The following MROH9 variants were observed in gnomAD, a reference collection of about 807,000 sequenced individuals.
MROH9 encodes maestro heat like repeat family member 9, also known as maestro heat-like repeat-containing protein family member 9.
MROH9 carries 92 observed loss-of-function variants against 98.2 expected under a neutral mutation model. That is an observed-to-expected ratio of 0.94 (90% CI 0.79 to 1.11). The LOEUF (loss-of-function observed/expected upper bound fraction) is 1.11. Among genes scored for constraint, MROH9 ranks in the 50% most tolerant of loss-of-function variants. The pLI is 0.00. For missense variants in MROH9, 1,057 were observed against 1,014.8 expected (o/e 1.04, Z -0.57); for synonymous variants, 397 against 368.9 (o/e 1.08, Z -0.87).
At chr1:170,989,780 G>T in intron 10 of MROH9, 75 bp from the exon 11 acceptor site, 1 of 1,353,606 alleles carries the variant, frequency 7.4e-7, no homozygotes. Flanking sequence ...GAATTCTTAT[G>T]TCCAAGAAAT....
chr1:171,018,250 C>A (rs1175121237), intron 17 of MROH9, among the ~76,000 whole-genome samples: 3 of 151,902 alleles, frequency 2.0e-5, no homozygotes, highest in African/African-American at 7.3e-5. Context: ...GGGAGCAAAT[C>A]AGATGAATAG....
rs758118589 is a variant in MROH9, at chr1:170,971,777, C to T, written c.510C>T (p.Leu170=). The T allele has an allele frequency of 1.6e-5, 26 of 1,614,044 alleles. No homozygotes were observed. Among genetic ancestry groups the T allele is most frequent in the South Asian group, 7.7e-5 (7 of 91,080 alleles). The change falls in exon 8 of 22, where the codon CTC becomes CTT. Residue 170 remains leucine, a synonymous_variant. Transcript: ENST00000367759. ...GTGTTGATGCTCCATGTTTGGGTCTCCTGGCAGCAGAGCTGTCTCTTTTGT... is the reference window on the plus strand; with the variant it reads ...GTGTTGATGCTCCATGTTTGGGTCTTCTGGCAGCAGAGCTGTCTCTTTTGT... ...YISVDAPCLG[L]LAAELSLLCS... is the part of the protein sequence containing the mutation.
intron 3 of MROH9, among the ~76,000 whole-genome samples, chr1:170,957,100 T>C (rs190641264): frequency 3.4e-4 from 52 of 152,030 alleles, no homozygotes; most frequent in African/African-American, 1.2e-3. Flanking sequence ...TTTACAAATA[T>C]TTTATCCCAT....
rs765483093 is a variant in MROH9, at chr1:170,995,551, T to C, written c.1337+20T>C. ...GGCTTTGTGAGTTAAAACTGGTTATTTCAGATTAAATAAGAGATAAGCGTC... is the reference window on the plus strand; with the variant it reads ...GGCTTTGTGAGTTAAAACTGGTTATCTCAGATTAAATAAGAGATAAGCGTC... On this transcript the variant is annotated intron_variant, in intron 13 of 21. Transcript: ENST00000367759. 88 of 1,611,760 alleles carry C rather than the reference T, an allele frequency of 5.5e-5. No homozygotes were observed. The highest frequency in any genetic ancestry group is 7.3e-5 in the Non-Finnish European group (86 of 1,178,672).
rs1165867991 is a variant in MROH9 at position 171,064,274 on chromosome 1, C to T, written c.2520C>T (p.Asn840=). Residue 840 remains asparagine, a synonymous_variant, in exon 22 of 22, where the codon AAC becomes AAT. Transcript: ENST00000367759. The stretch of plus-strand genomic sequence containing the variant: ...AATTGAAGCCTCTTTACAATTATAA[C>T]TCACCCAATGGCCAGATAGACAGTC... ...IKKLKPLYNY[N]SPNGQIDSPT... 6.4e-7 allele frequency: 1 copy of T among 1,551,136 alleles called. No homozygotes were observed. The highest frequency in any genetic ancestry group is 1.4e-5 in the African/African-American group (1 of 72,998).
At chr1:171,003,969 C>A (rs928602788) in intron 15 of MROH9, among the ~76,000 whole-genome samples, 2 of 151,932 alleles carry the variant, frequency 1.3e-5, no homozygotes, top group African/African-American at 4.8e-5. Context: ...AGTTGTGTAC[C>A]TAGGAGGATT....
intron 20 of MROH9, among the ~76,000 whole-genome samples, chr1:171,054,288 C>G (rs1232134060): frequency 6.6e-6 from 1 of 151,994 alleles, no homozygotes; most frequent in Non-Finnish European, 1.5e-5. Context: ...GATATGACAC[C>G]CTATTCAACA....
intron 20 of MROH9, among the ~76,000 whole-genome samples, chr1:171,058,663 C>A (rs930324923): frequency 5.3e-5 from 8 of 152,260 alleles, no homozygotes; most frequent in Non-Finnish European, 1.2e-4. Context: ...ACCAATGGAA[C>A]AGAAAAGAGA....
chr1:171,037,479 T>C (rs925450519), intron 20 of MROH9, among the ~76,000 whole-genome samples: 1 of 151,856 alleles, frequency 6.6e-6, no homozygotes, highest in African/African-American at 2.4e-5. Context: ...TAGAAAGGTA[T>C]AAACCCTATT....
chr1:170,959,620 C>A, intron 5 of MROH9, 23 bp downstream of exon 5: 1 of 1,604,560 alleles, frequency 6.2e-7, no homozygotes, highest in South Asian at 1.1e-5. Flanking sequence ...TTCCTTTAAT[C>A]ATTATAGGAT....
intron 3 of MROH9, 30 bp from the exon 4 acceptor site, chr1:170,958,431 T>C (rs1557873518): frequency 1.4e-5 from 11 of 786,262 alleles, no homozygotes; most frequent in South Asian, 1.0e-4. Context: ...TAATTCTTCT[T>C]TTTTTTTTTT....
intron 3 of MROH9, among the ~76,000 whole-genome samples, chr1:170,955,277 G>C (rs28782297): frequency 6.6e-6 from 1 of 151,834 alleles, no homozygotes; most frequent in Non-Finnish European, 1.5e-5. Context: ...TGCTATAAAC[G>C]TGCTTGTGCC....
intron 14 of MROH9, 113 bp from the exon 15 acceptor site, chr1:170,998,041 A>G: frequency 1.3e-6 from 1 of 781,648 alleles, no homozygotes; most frequent in South Asian, 1.9e-5. Flanking sequence ...GGGAATATTA[A>G]AGAATATCTT....
chr1:170,985,145 G>A (rs2101801403), intron 9 of MROH9, among the ~76,000 whole-genome samples: 1 of 152,202 alleles, frequency 6.6e-6, no homozygotes, highest in South Asian at 2.1e-4. Context: ...AAAAATATAT[G>A]TTTATATATG....
chr1:171,053,516 C>G (rs771559060), intron 20 of MROH9, among the ~76,000 whole-genome samples: 1 of 152,144 alleles, frequency 6.6e-6, no homozygotes, highest in Non-Finnish European at 1.5e-5. Flanking sequence ...AGATAAATTA[C>G]CCAGAGACTC....
At chr1:170,972,719 G>A (rs1650507615) in intron 8 of MROH9, among the ~76,000 whole-genome samples, 1 of 151,578 alleles carries the variant, frequency 6.6e-6, no homozygotes, top group Non-Finnish European at 1.5e-5. Context: ...GGCTGAGGTA[G>A]GAGAATGGCG....
chr1:170,959,407 A>G, intron 4 of MROH9, 55 bp from the exon 5 acceptor site: 1 of 1,407,840 alleles, frequency 7.1e-7, no homozygotes, highest in Middle Eastern at 2.1e-4. Context: ...AAGCCCACTA[A>G]ATTTCTATTA....
chr1:171,055,453 TCTA>T (rs957006446), intron 20 of MROH9, among the ~76,000 whole-genome samples: 27 of 151,816 alleles, frequency 1.8e-4, no homozygotes, highest in Admixed American at 1.7e-3. Context: ...AAACCCCGTC[TCTA>T]CTAAAAATAC....
Position 170,945,595 on chromosome 1 carries a change from A to G in MROH9, c.25+14A>G. Reference sequence around the variant, plus strand: ...ATCCAAAAACAAGTAAGGCTTTAGGACACAATAGAGATGGGAGAAGGTATT... The same window carrying G: ...ATCCAAAAACAAGTAAGGCTTTAGGGCACAATAGAGATGGGAGAAGGTATT... On this transcript the variant is annotated intron_variant, in intron 2 of 21. Transcript: ENST00000367759. 6.2e-7 allele frequency: 1 copy of G among 1,610,580 alleles called. No individual in the cohort carries two copies. The highest frequency in any genetic ancestry group is 8.5e-7 in the Non-Finnish European group (1 of 1,178,072).
Sources: allele counts gnomAD v4.1 joint callset (sites outside exome capture counted in the v4.1 genomes callset), GRCh38; gene constraint gnomAD v4.1.1; transcripts MANE v1.5; gene names NCBI Gene and HGNC (gene_info 2026-07-23, HGNC 2026-07-21).